The following FANCA variants were observed in gnomAD, a reference collection of about 807,000 sequenced individuals.
The protein encoded by FANCA is FA complementation group A.
A neutral mutation model predicts 194.3 loss-of-function variants in FANCA; 236 were observed. The ratio of observed to expected loss-of-function variants is 1.21; its 90% confidence interval spans 1.09 to 1.35. The LOEUF is 1.35. FANCA is among the 40% of genes most tolerant of loss of function. FANCA has a pLI of 0.00. For missense variants in FANCA, 2,628 were observed against 1,813.9 expected (o/e 1.45, Z -8.15); for synonymous variants, 1,014 against 715.8 (o/e 1.42, Z -6.65).
chr16:89,809,139 C>G lies in FANCA; in HGVS notation c.523-772G>C, dbSNP rs189527111. ...GCCAGGATGGGCTCGATCTCCTGAC[C>G]TCATGATCCACCTGCCTCGGCCTCC... On this transcript the variant is annotated intron_variant, in intron 5 of 42. Transcript: ENST00000389301. Among the ~76,000 whole-genome samples, 378 of 152,054 alleles carry G rather than the reference C, an allele frequency of 2.5e-3. 3 individuals carry two copies. Among genetic ancestry groups the G allele is most frequent in the African/African-American group, 8.6e-3 (357 of 41,528 alleles).
chr16:89,788,480 A>T (rs1191546202), intron 14 of FANCA, among the ~76,000 whole-genome samples: 1 of 151,928 alleles, frequency 6.6e-6, no homozygotes, highest in African/African-American at 2.4e-5. Context: ...CAAACACTGA[A>T]TATGCATATA....
intron 32 of FANCA, 66 bp from the exon 33 acceptor site, chr16:89,748,833 A>G: frequency 2.2e-6 from 3 of 1,334,694 alleles, no homozygotes; most frequent in Non-Finnish European, 1.1e-6. Flanking sequence ...CCAAGGGCTC[A>G]GACTCTCAGA....
rs949905675 is a variant in FANCA, at chr16:89,815,816, G to T, written c.189+61C>A. The T allele has an allele frequency of 1.3e-5, 16 of 1,278,274 alleles. No homozygotes were observed. In the South Asian group the frequency reaches 1.9e-4, roughly 15 times the overall value. The allele number at this position is 1,278,274 out of a possible 1,614,324, so 79.2% of individuals were successfully genotyped here. ...TGTTTTCTTAGGAAAGCTGTGCGGT[G>T]GCTGGACTCAAAAACCCCGAACCTA... On this transcript the variant is annotated intron_variant, in intron 2 of 42. Coordinates refer to ENST00000389301, the MANE Select transcript of FANCA (RefSeq NM_000135.4).
At chr16:89,815,747 A>AC in intron 2 of FANCA, 130 bp downstream of exon 2, 1 of 777,538 alleles carries the variant, frequency 1.3e-6, no homozygotes, top group Admixed American at 1.8e-5. Context: ...GGCTCAGGCG[A>AC]CCCTCCCCTC....
chr16:89,757,205 G>A (rs764279074), intron 30 of FANCA, among the ~76,000 whole-genome samples: 25 of 151,902 alleles, frequency 1.6e-4, no homozygotes, highest in Admixed American at 7.9e-4. Flanking sequence ...CAGATGATCC[G>A]CCTGCCTTGG....
intron 28 of FANCA, among the ~76,000 whole-genome samples, chr16:89,763,920 GA>G (rs60602870): frequency 7.0e-6 from 1 of 142,484 alleles, no homozygotes; most frequent in South Asian, 2.2e-4. Flanking sequence ...GACTCCACCA[GA>G]AAAAAAAAAC....
At chr16:89,791,278 T>G in intron 14 of FANCA, 125 bp downstream of exon 14, 1 of 1,336,832 alleles carries the variant, frequency 7.5e-7, no homozygotes, top group South Asian at 1.3e-5. Flanking sequence ...CCAAGGCCAC[T>G]CGGCAAAGCT....
Position 89,744,965 on chromosome 16 carries a change from G to A in FANCA, c.3620C>T (p.Ala1207Val), listed in dbSNP as rs1360159551. 2 of 1,611,502 alleles carry A rather than the reference G, an allele frequency of 1.2e-6. No individual in the cohort carries two copies. Among genetic ancestry groups the A allele is most frequent in the Non-Finnish European group, 1.7e-6 (2 of 1,179,742 alleles). Residue 1207 changes from alanine to valine, a missense_variant, in exon 36 of 43, where the codon GCC becomes GTC. Ala to Val is a moderately conservative substitution (Grantham distance 64). Transcript: ENST00000389301. ...TCTCACCACCCACACGTACTCGCTG[G>A]CAAACTGCCGGCCTTCTTGTAGCTT... ...LQKLQEGRQF[A>V]SDFLSPEAAS...
intron 8 of FANCA, among the ~76,000 whole-genome samples, chr16:89,801,905 C>CA (rs1226431015): frequency 1.2e-3 from 170 of 146,354 alleles, no homozygotes; most frequent in Admixed American, 2.7e-3. Context: ...CACAAAAAAA[C>CA]AAAAAAAAAA....
intron 18 of FANCA, 147 bp from the exon 19 acceptor site, chr16:89,779,150 G>T: frequency 1.2e-6 from 1 of 801,876 alleles, no homozygotes; most frequent in Non-Finnish European, 2.1e-6. Flanking sequence ...CACAGTTCCG[G>T]GACAAGGCAT....
At chr16:89,742,547 C>T (rs769109717) in intron 37 of FANCA, among the ~76,000 whole-genome samples, 7 of 151,650 alleles carry the variant, frequency 4.6e-5, no homozygotes, top group East Asian at 1.9e-4. Flanking sequence ...TGGTGGCTCA[C>T]GCCTGTAATC....
intron 28 of FANCA, among the ~76,000 whole-genome samples, chr16:89,763,030 G>A (rs1457220259): frequency 6.6e-6 from 1 of 150,530 alleles, no homozygotes; most frequent in Non-Finnish European, 1.5e-5. Flanking sequence ...GGAGGATGAT[G>A]AGGTCAGGAG....
intron 3 of FANCA, 74 bp from the exon 4 acceptor site, chr16:89,811,145 A>T: frequency 6.3e-7 from 1 of 1,596,680 alleles, no homozygotes; most frequent in Non-Finnish European, 8.6e-7. Flanking sequence ...CTTGCTGTTT[A>T]AAATGCCTTA....
intron 8 of FANCA, among the ~76,000 whole-genome samples, chr16:89,801,100 C>A (rs2040434433): frequency 6.6e-6 from 1 of 150,628 alleles, no homozygotes; most frequent in African/African-American, 2.4e-5. Context: ...AATCCCAACA[C>A]TTTGAGAGGC....
At position 89,770,244 on chromosome 16, in the gene FANCA, A is replaced by G. The variant is rs1400559824; in HGVS notation, c.2238T>C (p.Ala746=). 1 of 1,581,400 alleles carries G rather than the reference A, an allele frequency of 6.3e-7. No homozygotes were observed. Among genetic ancestry groups the G allele is most frequent in the East Asian group, 2.3e-5 (1 of 43,768 alleles). ...CACACATGGTCCTCACGAAGAGGGC[A>G]GCCCAGGGACCCTGCCTGCAGAGAC... The part of the protein sequence containing the change: ...VAPPERQGPW[A]ALFVRTMCGR... The change falls in exon 25 of 43, where the codon GCT becomes GCC. Residue 746 remains alanine, a synonymous_variant. Transcript: ENST00000389301.
chr16:89,814,714 G>T (rs1182968293), intron 2 of FANCA, 101 bp from the exon 3 acceptor site: 2 of 815,220 alleles, frequency 2.5e-6, no homozygotes, highest in African/African-American at 3.4e-5. Flanking sequence ...AGGCCGAGAT[G>T]GGCAGATCAC....
At chr16:89,811,880 G>C (rs568818603) in intron 3 of FANCA, among the ~76,000 whole-genome samples, 2 of 152,018 alleles carry the variant, frequency 1.3e-5, no homozygotes, top group African/African-American at 2.4e-5. Context: ...ACAGGCACGC[G>C]TCACTACGCC....
In FANCA at chr16:89,767,129, G is replaced by A. The variant is rs778681287; in HGVS notation, c.2601+12C>T. The stretch of plus-strand genomic sequence containing the variant: ...ATGGCAGAATGGAAAAATAGGAAAA[G>A]AGTGAACCTACCTTTTTAATAAGGC... On this transcript the variant is annotated intron_variant, in intron 27 of 42. Coordinates refer to ENST00000389301, the MANE Select transcript of FANCA (RefSeq NM_000135.4). 2 of 1,593,852 alleles carry A rather than the reference G, an allele frequency of 1.3e-6. No homozygotes were observed. Among genetic ancestry groups the A allele is most frequent in the South Asian group, 1.1e-5 (1 of 90,666 alleles).
Position 89,814,602 on chromosome 16 carries a change from TG to T in FANCA, c.200del (p.Pro67HisfsTer11). On this transcript the variant is annotated frameshift_variant, in exon 3 of 43. Transcript: ENST00000389301. LOFTEE classifies it high-confidence loss of function. ...TGCTGAGAGACAATTTTTTACACAGTGGACCTTCTACCTAGAATCCAAAACA... is the reference window on the plus strand; with the variant it reads ...TGCTGAGAGACAATTTTTTACACAGTGACCTTCTACCTAGAATCCAAAACA... The part of the protein sequence containing the change: ...LNALLLEVEG[P>X]LCKKLSLSKV... 1.2e-6 allele frequency: 2 copies of T among 1,612,960 alleles called. No homozygotes were observed. Among genetic ancestry groups the T allele is most frequent in the Non-Finnish European group, 8.5e-7 (1 of 1,178,982 alleles).
Sources: allele counts gnomAD v4.1 joint callset (sites outside exome capture counted in the v4.1 genomes callset), GRCh38; gene constraint gnomAD v4.1.1; transcripts MANE v1.5; gene names NCBI Gene and HGNC (gene_info 2026-07-23, HGNC 2026-07-21).